Variants in SPIDR observed in about 807,000 individuals in gnomAD.
The protein encoded by SPIDR is scaffold protein involved in DNA repair.
Under a neutral mutation model 104.6 loss-of-function variants are expected in SPIDR, and 93 were observed. The ratio of observed to expected loss-of-function variants is 0.89; its 90% CI spans 0.75 to 1.06. The LOEUF is 1.06. SPIDR is among the 50% of genes least tolerant of loss of function. SPIDR has a pLI of 0.00. For missense variants in SPIDR, 1,154 were observed against 1,111.2 expected (o/e 1.04, Z -0.55); for synonymous variants, 431 against 416.9 (o/e 1.03, Z -0.41).
intron 8 of SPIDR, among the ~76,000 whole-genome samples, chr8:47,441,632 G>C (rs939805906): frequency 1.3e-5 from 2 of 152,050 alleles, no homozygotes; most frequent in African/African-American, 4.8e-5. Flanking sequence ...TGTTTTTGAT[G>C]AGCAGAACTT....
Position 47,676,553 on chromosome 8 carries a change from A to G in SPIDR, c.1685+2612A>G, listed in dbSNP as rs567356295. Among the ~76,000 whole-genome samples, 18 of 152,130 alleles carry G rather than the reference A, an allele frequency of 1.2e-4. No homozygotes were observed. In the South Asian group the frequency reaches 3.5e-3, roughly 30 times the overall value. On this transcript the variant is annotated intron_variant, in intron 11 of 19. Transcript: ENST00000297423. Reference sequence around the variant, plus strand: ...TTCCAAATTATTGTGTTTCATAGCAATTCTCGTAAACTTTAACAAAATATG... The same window carrying G: ...TTCCAAATTATTGTGTTTCATAGCAGTTCTCGTAAACTTTAACAAAATATG...
intron 8 of SPIDR, among the ~76,000 whole-genome samples, chr8:47,523,469 G>T (rs1366666390): frequency 1.3e-5 from 2 of 152,210 alleles, no homozygotes; most frequent in African/African-American, 4.8e-5. Context: ...GAGGGAAAAG[G>T]CCAGCTGAAT....
intron 19 of SPIDR, among the ~76,000 whole-genome samples, chr8:47,732,403 A>G (rs993278976): frequency 6.6e-6 from 1 of 152,228 alleles, no homozygotes; most frequent in African/African-American, 2.4e-5. Flanking sequence ...TGCTGGACAC[A>G]TGCGTACATG....
At chr8:47,648,730 G>T (rs181483069) in intron 10 of SPIDR, among the ~76,000 whole-genome samples, 4 of 152,280 alleles carry the variant, frequency 2.6e-5, no homozygotes, top group Admixed American at 2.0e-4. Context: ...CTCAAAGAAT[G>T]ATGGGGACAT....
chr8:47,599,314 T>C, intron 10 of SPIDR, 118 bp downstream of exon 10: 1 of 1,363,016 alleles, frequency 7.3e-7, no homozygotes, highest in Non-Finnish European at 9.8e-7. Flanking sequence ...ATACGTGAGC[T>C]GTTTTTGTTT....
At chr8:47,335,234 A>G (rs1040766514) in intron 5 of SPIDR, among the ~76,000 whole-genome samples, 1 of 152,148 alleles carries the variant, frequency 6.6e-6, no homozygotes, top group Non-Finnish European at 1.5e-5. Context: ...GTAGAACTGA[A>G]TTTCCGACCT....
At chr8:47,567,780 CTTTTTTT>C (rs35199139) in intron 8 of SPIDR, among the ~76,000 whole-genome samples, 9 of 71,004 alleles carry the variant, frequency 1.3e-4, no homozygotes, top group Admixed American at 4.2e-4. Flanking sequence ...TTTTCTTTTT[CTTTTTTT>C]TTTTTTTTTT....
chr8:47,500,660 G>C (rs1042135028), intron 8 of SPIDR, among the ~76,000 whole-genome samples: 2 of 152,192 alleles, frequency 1.3e-5, no homozygotes, highest in African/African-American at 2.4e-5. Context: ...AATCCCATTT[G>C]TCAGTTTTGG....
intron 5 of SPIDR, among the ~76,000 whole-genome samples, chr8:47,390,679 A>T (rs188901137): frequency 3.8e-4 from 58 of 150,866 alleles, no homozygotes; most frequent in Non-Finnish European, 6.6e-4. Context: ...TTTTTTTCCT[A>T]CCTTTCTGTG....
chr8:47,677,556 T>G (rs1479263050), intron 11 of SPIDR, among the ~76,000 whole-genome samples: 2 of 152,218 alleles, frequency 1.3e-5, no homozygotes, highest in Non-Finnish European at 2.9e-5. Context: ...TTTACAGTAG[T>G]GTACTGGAGA....
chr8:47,682,492 T>G (rs1406230557), intron 11 of SPIDR, among the ~76,000 whole-genome samples: 2 of 152,238 alleles, frequency 1.3e-5, no homozygotes, highest in Non-Finnish European at 2.9e-5. Flanking sequence ...TAAATACCAC[T>G]GAATTGCATA....
In SPIDR at chr8:47,523,619, G is replaced by C. The variant is rs558557358; in HGVS notation, c.1098-72192G>C. ...TGTGAGTCTGTCTCCCTGCCGGCTG[G>C]TGATGGGGGTCAGGCTGGATCATGG... On this transcript the variant is annotated intron_variant, in intron 8 of 19. Coordinates refer to ENST00000297423, the MANE Select transcript of SPIDR (RefSeq NM_001080394.4). Among the ~76,000 whole-genome samples the C allele has an allele frequency of 1.3e-4, 20 of 152,306 alleles. 1 individual carries two copies. The highest frequency in any genetic ancestry group is 4.1e-4 in the African/African-American group (17 of 41,570).
At chr8:47,529,217 C>A (rs973114569) in intron 8 of SPIDR, among the ~76,000 whole-genome samples, 1 of 151,918 alleles carries the variant, frequency 6.6e-6, no homozygotes, top group Non-Finnish European at 1.5e-5. Context: ...GTCAGGAGAT[C>A]GAGACCATCC....
chr8:47,528,789 C>T (rs1406759677), intron 8 of SPIDR, among the ~76,000 whole-genome samples: 1 of 150,516 alleles, frequency 6.6e-6, no homozygotes, highest in Non-Finnish European at 1.5e-5. Context: ...AAAAAGGGAA[C>T]ATAATATTCA....
At chr8:47,570,396 A>T (rs1037841277) in intron 8 of SPIDR, among the ~76,000 whole-genome samples, 109 of 152,358 alleles carry the variant, frequency 7.2e-4, no homozygotes, top group African/African-American at 2.5e-3. Context: ...CCTTAAACAT[A>T]TACAAAAATT....
chr8:47,439,354 A>T (rs1404508169), intron 7 of SPIDR, among the ~76,000 whole-genome samples: 2 of 152,148 alleles, frequency 1.3e-5, no homozygotes, highest in African/African-American at 4.8e-5. Flanking sequence ...TGTGTTTTTT[A>T]AAATTACATT....
At chr8:47,732,057 C>A in intron 19 of SPIDR, 1 of 685,850 alleles carries the variant, frequency 1.5e-6, no homozygotes, top group South Asian at 1.5e-5. Flanking sequence ...CCTGGCATCC[C>A]TGGTCACCAT....
At chr8:47,691,517 T>G (rs1251715844) in intron 11 of SPIDR, among the ~76,000 whole-genome samples, 1 of 152,202 alleles carries the variant, frequency 6.6e-6, no homozygotes, top group Admixed American at 6.5e-5. Flanking sequence ...GAAGTATTAC[T>G]GAAATACTGC....
chr8:47,699,244 A>G (rs2079789900), intron 11 of SPIDR, among the ~76,000 whole-genome samples: 1 of 152,248 alleles, frequency 6.6e-6, no homozygotes, highest in Non-Finnish European at 1.5e-5. Flanking sequence ...TAGAAACCTT[A>G]GTAGGTGCTG....
Sources: gnomAD v4.1 joint callset for allele counts (sites outside exome capture counted in the v4.1 genomes callset) on GRCh38, gnomAD v4.1.1 for gene constraint, MANE v1.5 for transcripts, NCBI Gene and HGNC (gene_info 2026-07-23, HGNC 2026-07-21) for gene names.